The following SOCS2 variants were observed in gnomAD, a reference collection of about 807,000 sequenced individuals.
The protein encoded by SOCS2 is suppressor of cytokine signaling 2.
A neutral mutation model predicts 18.6 loss-of-function variants in SOCS2; 10 were observed. That is an observed-to-expected ratio of 0.54 (90% CI 0.33 to 0.91). SOCS2 has a LOEUF of 0.91. Ranked by LOEUF, SOCS2 falls within the 40% of genes least tolerant of loss-of-function variation. The pLI, the probability that SOCS2 is intolerant of heterozygous loss-of-function variation, is 0.02. For missense variants in SOCS2, 231 were observed against 247.2 expected (o/e 0.93, Z 0.44); for synonymous variants, 104 against 104.0 (o/e 1.00, Z 0.00).
chr12:93,603,102 A>G, the SOCS2 span, among the ~76,000 whole-genome samples: 3 of 152,208 alleles, frequency 2.0e-5, no homozygotes, highest in Non-Finnish European at 2.9e-5. Context: ...CCCCGAAGCT[A>G]TGAGAGTAAA....
chr12:93,591,779 C>T, the SOCS2 span, among the ~76,000 whole-genome samples: 1 of 152,136 alleles, frequency 6.6e-6, no homozygotes, highest in African/African-American at 2.4e-5. Flanking sequence ...TTTGGAAGCG[C>T]ACCAGATGAG....
downstream of SOCS2, among the ~76,000 whole-genome samples, chr12:93,580,549 A>G (rs1035552498): frequency 7.0e-6 from 1 of 142,468 alleles, no homozygotes; most frequent in Non-Finnish European, 1.5e-5. Context: ...TGAACCTGGG[A>G]TGCAGAGGTT....
At chr12:93,617,463 TG>T in the SOCS2 span, among the ~76,000 whole-genome samples, 6 of 152,214 alleles carry the variant, frequency 3.9e-5, no homozygotes, top group Non-Finnish European at 5.9e-5. Context: ...TATGCACCTA[TG>T]AATGTTGTAT....
At chr12:93,603,540 G>A in the SOCS2 span, among the ~76,000 whole-genome samples, 1 of 152,060 alleles carries the variant, frequency 6.6e-6, no homozygotes, top group East Asian at 1.9e-4. Flanking sequence ...ACATGGATCT[G>A]GTCCAGTTTC....
chr12:93,610,729 C>T, the SOCS2 span, among the ~76,000 whole-genome samples: 1 of 152,074 alleles, frequency 6.6e-6, no homozygotes, highest in East Asian at 1.9e-4. Flanking sequence ...CGTTTTCTGC[C>T]CTTCCACCAT....
At chr12:93,623,453 GT>G in the SOCS2 span, among the ~76,000 whole-genome samples, 1 of 151,368 alleles carries the variant, frequency 6.6e-6, no homozygotes, top group African/African-American at 2.4e-5. Flanking sequence ...TATACTTTAC[GT>G]TTTAGGGTAC....
At chr12:93,598,572 A>G in the SOCS2 span, among the ~76,000 whole-genome samples, 3 of 152,224 alleles carry the variant, frequency 2.0e-5, no homozygotes, top group Admixed American at 2.0e-4. Context: ...AGATAGAAAG[A>G]CTTGATATTG....
At chr12:93,607,775 T>C in the SOCS2 span, among the ~76,000 whole-genome samples, 3 of 152,216 alleles carry the variant, frequency 2.0e-5, no homozygotes, top group African/African-American at 7.2e-5. Flanking sequence ...TTCTGCATCA[T>C]CGTGTGATGG....
the SOCS2 span, among the ~76,000 whole-genome samples, chr12:93,613,451 C>G: frequency 2.0e-5 from 3 of 151,578 alleles, no homozygotes; most frequent in African/African-American, 7.3e-5. Context: ...AGCAAAAAAA[C>G]AGATTCAAGC....
chr12:93,601,105 TCTC>T, the SOCS2 span, among the ~76,000 whole-genome samples: 4 of 35,178 alleles, frequency 1.1e-4, no homozygotes, highest in Non-Finnish European at 1.7e-4. Context: ...TCTCTCTCTC[TCTC>T]TTTTTTTTTT....
At chr12:93,614,434 C>G in the SOCS2 span, among the ~76,000 whole-genome samples, 1 of 33,330 alleles carries the variant, frequency 3.0e-5, no homozygotes, top group African/African-American at 2.2e-4. Flanking sequence ...TCTTTCCCTT[C>G]CTTCCTTCCT....
downstream of SOCS2, among the ~76,000 whole-genome samples, chr12:93,581,200 C>T (rs1466293561): frequency 6.6e-6 from 1 of 152,106 alleles, no homozygotes; most frequent in Non-Finnish European, 1.5e-5. Flanking sequence ...ATTGAATCAG[C>T]CATGGTGGGA....
chr12:93,572,012 C>G (rs929946443), upstream of SOCS2: 1 of 221,228 alleles, frequency 4.5e-6, no homozygotes, highest in Admixed American at 6.5e-5. This position sits in a 1 kb window ranked among gnomAD's most constrained non-coding sequence, Gnocchi z 5.0. Context: ...GCTGCGCGCT[C>G]GGGCCGATTC....
the SOCS2 span, among the ~76,000 whole-genome samples, chr12:93,607,935 T>C: frequency 6.6e-6 from 1 of 151,792 alleles, no homozygotes; most frequent in African/African-American, 2.4e-5. Context: ...TTCTCAACTT[T>C]ATGGAAGAAA....
chr12:93,615,968 C>T, the SOCS2 span, among the ~76,000 whole-genome samples: 2 of 152,194 alleles, frequency 1.3e-5, no homozygotes, highest in Non-Finnish European at 2.9e-5. Flanking sequence ...AAACCAGGCT[C>T]AGAGGTGGAA....
At chr12:93,588,572 A>C in the SOCS2 span, among the ~76,000 whole-genome samples, 4 of 152,074 alleles carry the variant, frequency 2.6e-5, no homozygotes, top group East Asian at 7.8e-4. Flanking sequence ...GAGAAGGAGG[A>C]AGAGGAGTTG....
the SOCS2 span, among the ~76,000 whole-genome samples, chr12:93,590,762 C>A: frequency 0.21 from 25,359 of 120,650 alleles, 2,493 homozygotes; most frequent in East Asian, 0.3. Flanking sequence ...CCAGCCTGGG[C>A]GACAGAGCAA....
chr12:93,615,159 C>G, the SOCS2 span, among the ~76,000 whole-genome samples: 1 of 152,164 alleles, frequency 6.6e-6, no homozygotes, highest in Non-Finnish European at 1.5e-5. Context: ...TGCCTCTGCC[C>G]TTGCTTGACA....
At chr12:93,604,991 C>T in the SOCS2 span, among the ~76,000 whole-genome samples, 11 of 150,920 alleles carry the variant, frequency 7.3e-5, no homozygotes, top group Non-Finnish European at 1.6e-4. Flanking sequence ...GTTGATTGCT[C>T]ACATGTATAG....
Sources: allele counts gnomAD v4.1 joint callset (sites outside exome capture counted in the v4.1 genomes callset), GRCh38; gene constraint gnomAD v4.1.1; non-coding constraint Gnocchi (gnomAD v3.1); transcripts MANE v1.5; gene names NCBI Gene and HGNC (gene_info 2026-07-23, HGNC 2026-07-21).